The following GLT1D1 variants were observed in gnomAD, a reference collection of about 807,000 sequenced individuals.
GLT1D1 encodes glycosyltransferase 1 domain containing 1.
A neutral mutation model predicts 28.7 loss-of-function variants in GLT1D1; 21 were observed. That is an observed-to-expected ratio of 0.73 (90% CI 0.52 to 1.05). The LOEUF (loss-of-function observed/expected upper bound fraction) is 1.05, where lower values mean the gene tolerates loss of function less well. GLT1D1 is among the 50% of genes least tolerant of loss of function. The pLI, the probability that GLT1D1 is intolerant of heterozygous loss-of-function variation, is 0.00. For synonymous variants in GLT1D1, 147 were observed against 124.8 expected, an observed-to-expected ratio of 1.18 and a Z score of -1.19; for missense variants, 343 against 330.6, an observed-to-expected ratio of 1.04 and a Z score of -0.29.
chr12:128,894,973 A>G (rs1869463700), intron 3 of GLT1D1, among the ~76,000 whole-genome samples: 1 of 151,814 alleles, frequency 6.6e-6, no homozygotes, highest in South Asian at 2.1e-4. Context: ...GGTTGCTCAA[A>G]TTGCCCCAGA....
intron 2 of GLT1D1, among the ~76,000 whole-genome samples, chr12:128,885,286 A>G (rs1430458169): frequency 6.6e-6 from 1 of 152,138 alleles, no homozygotes; most frequent in Non-Finnish European, 1.5e-5. Context: ...GCAGTGGCAC[A>G]ATCTTGGCTC....
At chr12:128,968,611 C>T (rs1303534699) in intron 7 of GLT1D1, among the ~76,000 whole-genome samples, 2 of 151,992 alleles carry the variant, frequency 1.3e-5, no homozygotes, top group East Asian at 2.0e-4. Flanking sequence ...TGCAGTGAGC[C>T]GAGATCATGT....
intron 7 of GLT1D1, among the ~76,000 whole-genome samples, chr12:128,974,116 G>A (rs1261792225): frequency 6.6e-6 from 1 of 152,048 alleles, no homozygotes; most frequent in African/African-American, 2.4e-5. Flanking sequence ...GTGTGGAGGG[G>A]GAGAGGGCGC....
In GLT1D1 at chr12:128,874,100, C is replaced by CTTTCTTTCTTTCTT. The variant is rs1219784154; in HGVS notation, c.69-1813_69-1812insTTCTTTCTTTCTTT. Among the ~76,000 whole-genome samples, 64 of 43,048 alleles carry CTTTCTTTCTTTCTT rather than the reference C, an allele frequency of 1.5e-3. 1 individual carries two copies. The highest frequency in any genetic ancestry group is 6.6e-3 in the African/African-American group (59 of 8,970). The allele number at this position is 43,048 out of a possible 152,430, so 28.2% of individuals were successfully genotyped here. A position where few individuals can be genotyped will look rare whatever the true frequency, so the allele number is the denominator to read the frequency against. On this transcript the variant is annotated intron_variant, in intron 1 of 7. Coordinates refer to ENST00000281703, the MANE Select transcript of GLT1D1 (RefSeq NM_144669.3). Reference sequence around the variant, plus strand: ...TCTTTCTTTCTTTCTTTCTTTCTTTCTCTCTCTCTCTCTCTCTCTCTCTCT... The same window carrying CTTTCTTTCTTTCTT: ...TCTTTCTTTCTTTCTTTCTTTCTTTCTTTCTTTCTTTCTTTCTCTCTCTCTCTCTCTCTCTCTCT...
intron 4 of GLT1D1, among the ~76,000 whole-genome samples, chr12:128,939,831 T>G (rs1342302563): frequency 7.9e-6 from 1 of 126,208 alleles, no homozygotes; most frequent in African/African-American, 3.0e-5. Flanking sequence ...TGCCAAATTG[T>G]TAGAAACCCC....
intron 1 of GLT1D1, among the ~76,000 whole-genome samples, chr12:128,873,480 G>A (rs374141954): frequency 2.0e-5 from 3 of 152,154 alleles, no homozygotes; most frequent in East Asian, 3.8e-4. Context: ...GCTGCAGTGC[G>A]TATTCCTGGG....
intron 1 of GLT1D1, among the ~76,000 whole-genome samples, chr12:128,864,885 T>C (rs1244668912): frequency 3.3e-5 from 5 of 152,084 alleles, no homozygotes; most frequent in Non-Finnish European, 7.4e-5. Flanking sequence ...CACTTGACGG[T>C]GTGCCTGTCT....
intron 7 of GLT1D1, among the ~76,000 whole-genome samples, chr12:128,960,743 G>A (rs1032192047): frequency 6.6e-6 from 1 of 151,690 alleles, no homozygotes; most frequent in African/African-American, 2.4e-5. Context: ...ACTCCAGCCT[G>A]GGTGACAGAG....
chr12:128,885,386 C>T (rs776511021), intron 2 of GLT1D1, among the ~76,000 whole-genome samples: 34 of 152,054 alleles, frequency 2.2e-4, no homozygotes, highest in Non-Finnish European at 4.4e-4. Context: ...CCACACCCAG[C>T]TAATTTTTGT....
intron 7 of GLT1D1, among the ~76,000 whole-genome samples, chr12:128,971,294 C>CTCCT (rs1236236675): frequency 2.3e-5 from 1 of 43,130 alleles, no homozygotes; most frequent in Non-Finnish European, 4.2e-5. Flanking sequence ...CCCTCCCTTC[C>CTCCT]TCCCTCCCTC....
rs1277621205 is a variant in GLT1D1 at position 128,862,773 on chromosome 12, C to T, written c.68+9124C>T. On this transcript the variant is annotated intron_variant, in intron 1 of 7. Coordinates refer to ENST00000281703, the MANE Select transcript of GLT1D1 (RefSeq NM_144669.3). Reference sequence around the variant, plus strand: ...GCAGTCCCTGTCCTCAGGAGGCAGCCGCTCAACCACAGACAGCTTGCGCAC... The same window carrying T: ...GCAGTCCCTGTCCTCAGGAGGCAGCTGCTCAACCACAGACAGCTTGCGCAC... 3.9e-5 allele frequency among the ~76,000 whole-genome samples: 6 copies of T among 152,230 alleles called. No individual in the cohort carries two copies. In the East Asian group the frequency reaches 5.8e-4, roughly 15 times the overall value.
chr12:128,954,410 G>A (rs1203468), intron 6 of GLT1D1, among the ~76,000 whole-genome samples: 5 of 151,988 alleles, frequency 3.3e-5, no homozygotes, highest in East Asian at 3.9e-4. Context: ...GATTACAGGC[G>A]TGAGCCACTG....
At chr12:128,982,896 GA>G in intron 7 of GLT1D1, 32 bp from the exon 12 acceptor site, 1 of 1,609,910 alleles carries the variant, frequency 6.2e-7, no homozygotes, top group Non-Finnish European at 8.5e-7. Context: ...CTTCATCAGT[GA>G]TTTATGTCTA....
intron 7 of GLT1D1, among the ~76,000 whole-genome samples, chr12:128,974,251 T>C (rs1226473673): frequency 1.3e-5 from 2 of 152,312 alleles, no homozygotes; most frequent in African/African-American, 2.4e-5. Context: ...ACCTGGCTGA[T>C]GGCCGGAGTC....
chr12:128,947,235 G>GCTGATCTAGAGTATTACACC (rs2060708784), intron 5 of GLT1D1, 103 bp from the exon 10 acceptor site: 1 of 1,313,350 alleles, frequency 7.6e-7, no homozygotes, highest in South Asian at 1.2e-5. Context: ...ATGCTTACTT[G>GCTGATCTAGAGTATTACACC]CTGATCTAGA....
intron 4 of GLT1D1, among the ~76,000 whole-genome samples, chr12:128,909,780 A>T (rs1871338480): frequency 1.3e-5 from 2 of 152,258 alleles, no homozygotes; most frequent in South Asian, 4.1e-4. Context: ...TCTATCCAAT[A>T]GGATCCTGGC....
intron 4 of GLT1D1, among the ~76,000 whole-genome samples, chr12:128,905,462 C>G (rs1870753922): frequency 6.6e-6 from 1 of 152,166 alleles, no homozygotes; most frequent in African/African-American, 2.4e-5. Context: ...TAGTTTGTAA[C>G]CGGTGAGTGA....
At chr12:128,879,020 T>C (rs1956937804) in intron 2 of GLT1D1, among the ~76,000 whole-genome samples, 1 of 152,224 alleles carries the variant, frequency 6.6e-6, no homozygotes. Flanking sequence ...AAGTTCGGAA[T>C]CCCTGATAGC....
chr12:128,868,671 T>A (rs1956609027), intron 1 of GLT1D1, among the ~76,000 whole-genome samples: 3 of 152,232 alleles, frequency 2.0e-5, no homozygotes, highest in South Asian at 4.1e-4. Flanking sequence ...AGCTCCTCGA[T>A]CAGCTGGGTG....
Sources: gnomAD v4.1 joint callset for allele counts (sites outside exome capture counted in the v4.1 genomes callset) on GRCh38, gnomAD v4.1.1 for gene constraint, MANE v1.5 for transcripts, NCBI Gene and HGNC (gene_info 2026-07-23, HGNC 2026-07-21) for gene names.